Variants in NRF1 observed in about 807,000 individuals in gnomAD.
NRF1 encodes the protein nuclear respiratory factor 1.
In NRF1, 5 loss-of-function variants were observed where a neutral mutation model predicts 58.5. That is an observed-to-expected ratio of 0.09 (90% CI 0.04 to 0.18). The LOEUF is 0.18. Ranked by LOEUF, NRF1 falls within the 10% of genes least tolerant of loss-of-function variation. The pLI is 1.00. For missense variants in NRF1, 288 were observed against 657.7 expected (o/e 0.44, Z 6.15); for synonymous variants, 224 against 246.7 (o/e 0.91, Z 0.86).
At chr7:129,643,240 A>G (rs1188859774) in intron 1 of NRF1, among the ~76,000 whole-genome samples, 1 of 152,190 alleles carries the variant, frequency 6.6e-6, no homozygotes, top group Non-Finnish European at 1.5e-5. Context: ...TGCAGAAGCT[A>G]GGAAATAGCT....
At chr7:129,720,349 C>T (rs1430315464) in intron 9 of NRF1, among the ~76,000 whole-genome samples, 1 of 152,120 alleles carries the variant, frequency 6.6e-6, no homozygotes, top group Non-Finnish European at 1.5e-5. Context: ...AAGAAACAAG[C>T]CCTTAACATT....
chr7:129,678,396 G>A (rs866107965), intron 4 of NRF1, among the ~76,000 whole-genome samples: 4 of 151,934 alleles, frequency 2.6e-5, no homozygotes, highest in Admixed American at 6.6e-5. Flanking sequence ...TTTTTATTAG[G>A]GTAAAATTTA....
intron 1 of NRF1, 22 bp from the exon 2 acceptor site, chr7:129,657,318 GTTCTTT>G (rs781013656): frequency 1.3e-6 from 2 of 1,493,980 alleles, no homozygotes; most frequent in African/African-American, 2.8e-5. Flanking sequence ...ACTGAATCCT[GTTCTTT>G]TTCTTTTTTG....
At chr7:129,623,975 A>G (rs1323542221) in intron 1 of NRF1, among the ~76,000 whole-genome samples, 1 of 152,372 alleles carries the variant, frequency 6.6e-6, no homozygotes, top group Non-Finnish European at 1.5e-5. Context: ...TCTGAAAGGT[A>G]TGAAAGCAAG....
chr7:129,645,151 T>C (rs1251755942), intron 1 of NRF1, among the ~76,000 whole-genome samples: 1 of 152,228 alleles, frequency 6.6e-6, no homozygotes, highest in East Asian at 1.9e-4. Flanking sequence ...GCACTCACTA[T>C]ATACCATGTC....
At chr7:129,729,356 G>A (rs577979925) in intron 10 of NRF1, among the ~76,000 whole-genome samples, 3 of 152,344 alleles carry the variant, frequency 2.0e-5, no homozygotes, top group African/African-American at 7.2e-5. Flanking sequence ...ATTGGGTTGT[G>A]TGAATCATTT....
At chr7:129,702,317 C>T (rs1261626636) in intron 5 of NRF1, among the ~76,000 whole-genome samples, 1 of 152,146 alleles carries the variant, frequency 6.6e-6, no homozygotes, top group Non-Finnish European at 1.5e-5. Context: ...AGAAGTCTTG[C>T]CTTGAGAGAG....
chr7:129,697,142 G>A (rs1176146441), intron 5 of NRF1, among the ~76,000 whole-genome samples: 1 of 151,882 alleles, frequency 6.6e-6, no homozygotes, highest in African/African-American at 2.4e-5. Flanking sequence ...GAAAGTTCAT[G>A]AACCAAGAAT....
chr7:129,648,028 AT>A (rs943518372), intron 1 of NRF1, among the ~76,000 whole-genome samples: 1 of 152,168 alleles, frequency 6.6e-6, no homozygotes, highest in Non-Finnish European at 1.5e-5. Flanking sequence ...TTTAAAGCTC[AT>A]TTTGTTAAAA....
intron 2 of NRF1, among the ~76,000 whole-genome samples, chr7:129,665,451 A>G (rs62489293): frequency 0.13 from 19,790 of 152,262 alleles, 1,614 homozygotes; most frequent in Admixed American, 0.23. Context: ...GTTGCCTGTC[A>G]GAAACACTTC....
At chr7:129,720,382 A>G (rs959367095) in intron 9 of NRF1, among the ~76,000 whole-genome samples, 1 of 152,218 alleles carries the variant, frequency 6.6e-6, no homozygotes, top group African/African-American at 2.4e-5. Context: ...GACGAGATGC[A>G]GTAGAATCAT....
intron 10 of NRF1, among the ~76,000 whole-genome samples, chr7:129,733,164 G>C (rs541298346): frequency 3.9e-5 from 6 of 152,112 alleles, no homozygotes; most frequent in Non-Finnish European, 7.3e-5. Context: ...TGATTTTAAA[G>C]TTCATTTGAA....
intron 1 of NRF1, among the ~76,000 whole-genome samples, chr7:129,619,488 G>GTATA (rs1346163996): frequency 0.016 from 658 of 40,446 alleles, 11 homozygotes; most frequent in Middle Eastern, 0.071. Context: ...GTGTGTGTGT[G>GTATA]TGTATATATA....
At chr7:129,675,543 A>G (rs1193735530) in intron 3 of NRF1, among the ~76,000 whole-genome samples, 2 of 152,220 alleles carry the variant, frequency 1.3e-5, no homozygotes, top group South Asian at 2.1e-4. Flanking sequence ...TCCTTGATCC[A>G]TGGGCTGCAG....
intron 9 of NRF1, 29 bp downstream of exon 9, chr7:129,717,405 G>A: frequency 6.3e-7 from 1 of 1,585,170 alleles, no homozygotes. Context: ...GAATAAGTGA[G>A]GATCGCAAAT....
intron 1 of NRF1, among the ~76,000 whole-genome samples, chr7:129,648,424 T>C (rs937346994): frequency 8.6e-5 from 13 of 151,586 alleles, no homozygotes; most frequent in African/African-American, 1.2e-4. Flanking sequence ...GGACTACAGG[T>C]GCCCGCCACC....
chr7:129,684,705 T>C (rs746261468), intron 4 of NRF1, among the ~76,000 whole-genome samples: 5 of 152,190 alleles, frequency 3.3e-5, no homozygotes, highest in Non-Finnish European at 7.3e-5. Context: ...TTTAGGGCAA[T>C]GAAGAACCGT....
At chr7:129,744,986 A>G (rs183880346) in intron 10 of NRF1, among the ~76,000 whole-genome samples, 79 of 150,108 alleles carry the variant, frequency 5.3e-4, no homozygotes, top group African/African-American at 1.9e-3. Context: ...GACATTTTCC[A>G]TCATAAAAAG....
At chr7:129,714,176 C>G (rs917527694) in intron 8 of NRF1, among the ~76,000 whole-genome samples, 4 of 152,356 alleles carry the variant, frequency 2.6e-5, no homozygotes, top group Admixed American at 6.5e-5. Flanking sequence ...GAAATCTCTT[C>G]TCTGTTTCTC....
Sources: allele counts gnomAD v4.1 joint callset (sites outside exome capture counted in the v4.1 genomes callset), GRCh38; gene constraint gnomAD v4.1.1; transcripts MANE v1.5; gene names NCBI Gene and HGNC (gene_info 2026-07-23, HGNC 2026-07-21).